SLC39A11: variants seen among roughly 807,000 people sequenced by gnomAD.
SLC39A11 encodes the protein solute carrier family 39 member 11, also known as zinc transporter ZIP11.
A neutral mutation model predicts 36.1 loss-of-function variants in SLC39A11; 33 were observed. The observed-to-expected ratio is 0.91, with a 90% CI of 0.69 to 1.22. The LOEUF is 1.22. Ranked by LOEUF, SLC39A11 falls within the 50% of genes most tolerant of loss-of-function variation. The pLI is 0.00. For synonymous variants in SLC39A11, 166 were observed against 170.3 expected (o/e 0.97, Z 0.20); for missense variants, 432 against 430.3 (o/e 1.00, Z -0.03).
intron 5 of SLC39A11, among the ~76,000 whole-genome samples, chr17:72,891,435 G>A (rs1468647840): frequency 6.6e-6 from 1 of 152,014 alleles, no homozygotes; most frequent in Non-Finnish European, 1.5e-5. Flanking sequence ...TAAAGACTTG[G>A]AAGGACCTGA....
At chr17:72,705,270 C>T (rs146772660) in intron 7 of SLC39A11, among the ~76,000 whole-genome samples, 121 of 152,214 alleles carry the variant, frequency 7.9e-4, no homozygotes, top group African/African-American at 2.6e-3. Context: ...GGGGAAAAGG[C>T]GGTTATCAAG....
At chr17:72,906,509 G>A (rs2082665165) in intron 5 of SLC39A11, among the ~76,000 whole-genome samples, 1 of 152,212 alleles carries the variant, frequency 6.6e-6, no homozygotes, top group South Asian at 2.1e-4. Flanking sequence ...CTGGGGAGGT[G>A]GATGCAGGCA....
At chr17:72,951,120 G>A (rs908924896) in intron 4 of SLC39A11, among the ~76,000 whole-genome samples, 1 of 150,752 alleles carries the variant, frequency 6.6e-6, no homozygotes, top group African/African-American at 2.4e-5. Context: ...AATTAGCCAG[G>A]TATGATGGCA....
intron 5 of SLC39A11, among the ~76,000 whole-genome samples, chr17:72,938,893 G>C (rs1232558548): frequency 3.3e-5 from 5 of 152,204 alleles, no homozygotes; most frequent in Admixed American, 2.6e-4. Context: ...TAACTCCTCA[G>C]TAGATACTTA....
intron 7 of SLC39A11, among the ~76,000 whole-genome samples, chr17:72,677,498 G>A (rs2071321877): frequency 6.6e-6 from 1 of 152,190 alleles, no homozygotes; most frequent in Non-Finnish European, 1.5e-5. Flanking sequence ...CAAATTGAAT[G>A]CATCTGTAAC....
intron 3 of SLC39A11, among the ~76,000 whole-genome samples, chr17:73,034,174 A>T (rs2058829965): frequency 6.6e-6 from 1 of 152,198 alleles, no homozygotes; most frequent in Admixed American, 6.5e-5. Flanking sequence ...CTGCATGGTA[A>T]ACTCCCCATC....
chr17:72,781,072 C>G (rs189581271), intron 6 of SLC39A11, among the ~76,000 whole-genome samples: 3 of 152,354 alleles, frequency 2.0e-5, no homozygotes, highest in Admixed American at 2.0e-4. Flanking sequence ...CTCTAATCCC[C>G]AAACTGTCTG....
chr17:72,725,594 C>T (rs2073891786), intron 7 of SLC39A11: 1 of 152,210 alleles, frequency 6.6e-6, no homozygotes, highest in Non-Finnish European at 1.5e-5. Context: ...ACACAGTCAC[C>T]TTTCCTGGTC....
At chr17:72,982,683 T>C (rs1331741851) in intron 4 of SLC39A11, among the ~76,000 whole-genome samples, 1 of 139,500 alleles carries the variant, frequency 7.2e-6, no homozygotes, top group African/African-American at 2.6e-5. Context: ...TTCTAATTCG[T>C]TGCCAAGTCT....
chr17:72,973,954 T>C (rs1008656097), intron 4 of SLC39A11, among the ~76,000 whole-genome samples: 4 of 152,136 alleles, frequency 2.6e-5, no homozygotes, highest in African/African-American at 9.7e-5. Context: ...AGTCCAGTCT[T>C]GTGTGCATGA....
At chr17:72,934,073 T>C (rs1454845164) in intron 5 of SLC39A11, among the ~76,000 whole-genome samples, 5 of 152,194 alleles carry the variant, frequency 3.3e-5, no homozygotes, top group Non-Finnish European at 5.9e-5. Flanking sequence ...GACACCATAT[T>C]TTTTTGAAAC....
chr17:72,940,236 C>A (rs1471976995), intron 5 of SLC39A11, among the ~76,000 whole-genome samples: 1 of 152,056 alleles, frequency 6.6e-6, no homozygotes, highest in Non-Finnish European at 1.5e-5. Flanking sequence ...TAGATGTACA[C>A]CTGCCAGCAG....
At chr17:72,947,478 C>T (rs1405872528) in intron 5 of SLC39A11, 4 of 492,790 alleles carry the variant, frequency 8.1e-6, no homozygotes, top group Admixed American at 3.2e-5. Context: ...TCAGAGTGAC[C>T]CCACTGTCCA....
intron 3 of SLC39A11, among the ~76,000 whole-genome samples, chr17:73,044,421 G>A (rs183225080): frequency 9.2e-5 from 14 of 152,284 alleles, no homozygotes; most frequent in East Asian, 3.9e-4. Context: ...ATCATTACAC[G>A]GAGTGAAAGA....
At chr17:72,945,956 A>G (rs1039073371) in intron 5 of SLC39A11, among the ~76,000 whole-genome samples, 2 of 152,224 alleles carry the variant, frequency 1.3e-5, no homozygotes, top group South Asian at 2.1e-4. Context: ...TAGAAAAATC[A>G]GATAAAGTCT....
At chr17:73,061,449 A>G (rs2059837041) in intron 3 of SLC39A11, among the ~76,000 whole-genome samples, 1 of 152,220 alleles carries the variant, frequency 6.6e-6, no homozygotes, top group Admixed American at 6.5e-5. Flanking sequence ...GAATTACTTA[A>G]ATGCTAAGTC....
At chr17:73,075,802 G>A (rs1435268617) in intron 3 of SLC39A11, among the ~76,000 whole-genome samples, 1 of 152,046 alleles carries the variant, frequency 6.6e-6, no homozygotes, top group African/African-American at 2.4e-5. Context: ...GCAGTCAGCT[G>A]ACATCACGCC....
In SLC39A11 at chr17:72,878,057, A is replaced by G. The variant is rs1439778369; in HGVS notation, c.431-28253T>C. ...ATTGTTCAATTCCCGCCTATGAGTG[A>G]GAACACGCGGTGTTTGGTTTTTTGT... On this transcript the variant is annotated intron_variant, in intron 5 of 9. Coordinates refer to ENST00000255559, the MANE Select transcript of SLC39A11 (RefSeq NM_139177.4). Among the ~76,000 whole-genome samples the G allele has an allele frequency of 4.1e-5, 6 of 144,608 alleles. No homozygotes were observed. The Admixed American group carries it at 4.5e-4, about 11-fold the overall frequency. 94.9% of individuals were successfully genotyped at this position (144,608 alleles called of 152,430 possible). A position where few individuals can be genotyped will look rare whatever the true frequency, so the allele number is the denominator to read the frequency against.
intron 6 of SLC39A11, among the ~76,000 whole-genome samples, chr17:72,847,736 A>G (rs1403822142): frequency 1.3e-5 from 2 of 152,220 alleles, no homozygotes; most frequent in East Asian, 1.9e-4. Flanking sequence ...AAGCAAAACA[A>G]TATCAAGTTA....
Sources: gnomAD v4.1 joint callset for allele counts (sites outside exome capture counted in the v4.1 genomes callset) on GRCh38, gnomAD v4.1.1 for gene constraint, MANE v1.5 for transcripts, NCBI Gene and HGNC (gene_info 2026-07-23, HGNC 2026-07-21) for gene names.